The following DPPA4 variants were observed in gnomAD, a reference collection of about 807,000 sequenced individuals.
DPPA4 encodes the protein developmental pluripotency-associated protein 4.
In DPPA4, 22 loss-of-function variants were observed where a neutral mutation model predicts 33.7. The observed-to-expected ratio is 0.65, with a 90% CI of 0.47 to 0.93. The LOEUF is 0.93. Ranked by LOEUF, DPPA4 falls within the 40% of genes least tolerant of loss-of-function variation. The pLI is 0.00. For synonymous variants in DPPA4, 156 were observed against 132.3 expected, an observed-to-expected ratio of 1.18 and a Z score of -1.23; for missense variants, 340 against 358.6, an observed-to-expected ratio of 0.95 and a Z score of 0.42.
Position 109,330,513 on chromosome 3 carries a change from G to T in DPPA4, c.679+11C>A. Reference sequence around the variant, plus strand: ...CATTGGACCAGAATAAGCTCTTCATGTTGCGCTTACCAGAGGCCTCTTGTG... The same window carrying T: ...CATTGGACCAGAATAAGCTCTTCATTTTGCGCTTACCAGAGGCCTCTTGTG... On this transcript the variant is annotated intron_variant, in intron 5 of 6. Coordinates refer to ENST00000335658, the MANE Select transcript of DPPA4 (RefSeq NM_018189.4). 1 of 1,613,336 alleles carries T rather than the reference G, an allele frequency of 6.2e-7. No individual in the cohort carries two copies. The highest frequency in any genetic ancestry group is 8.5e-7 in the Non-Finnish European group (1 of 1,179,532).
intron 1 of DPPA4, among the ~76,000 whole-genome samples, chr3:109,334,893 A>T (rs958338031): frequency 4.6e-5 from 7 of 152,138 alleles, no homozygotes; most frequent in African/African-American, 1.4e-4. Flanking sequence ...TAAAAGTCTC[A>T]CCTCAAGTGC....
intron 1 of DPPA4, 139 bp downstream of exon 1, chr3:109,337,325 T>C: frequency 1.4e-6 from 1 of 719,842 alleles, no homozygotes; most frequent in East Asian, 2.7e-5. Flanking sequence ...GGCCTTACTC[T>C]TAAAATAAAA....
chr3:109,328,484 C>A (rs961855027), intron 6 of DPPA4, among the ~76,000 whole-genome samples: 4 of 152,180 alleles, frequency 2.6e-5, no homozygotes, highest in Non-Finnish European at 5.9e-5. Context: ...TCCTTTCCAT[C>A]TAGTCGATTC....
upstream of DPPA4, among the ~76,000 whole-genome samples, chr3:109,339,331 C>T (rs1462069935): frequency 6.6e-6 from 1 of 152,160 alleles, no homozygotes; most frequent in African/African-American, 2.4e-5. Flanking sequence ...GCTGTGTGAC[C>T]TGGGCAATAA....
chr3:109,337,900 G>T (rs1178115567), upstream of DPPA4, among the ~76,000 whole-genome samples: 1 of 152,152 alleles, frequency 6.6e-6, no homozygotes, highest in Non-Finnish European at 1.5e-5. Flanking sequence ...AATGGAACTT[G>T]TGGCAACAGT....
Position 109,326,354 on chromosome 3 carries a change from A to AT in DPPA4, c.*1633dup, listed in dbSNP as rs1242648920. 1 of 151,414 alleles carries AT rather than the reference A, an allele frequency of 6.6e-6. No homozygotes were observed. Among genetic ancestry groups the AT allele is most frequent in the Non-Finnish European group, 1.5e-5 (1 of 68,042 alleles). 9.4% of individuals were successfully genotyped at this position (151,414 alleles called of 1,614,324 possible). A position where few individuals can be genotyped will look rare whatever the true frequency, so the allele number is the denominator to read the frequency against. On this transcript the variant is annotated 3_prime_UTR_variant, in exon 7 of 7. Coordinates refer to ENST00000335658, the MANE Select transcript of DPPA4 (RefSeq NM_018189.4). ...AAACAAAAGGAACAATACACATAGT[A>AT]TAAGAAAAAATGTCTATTATTTATT...
At chr3:109,331,260 C>CAAAAAAAAAAAAAAAAAAAAAAAAAA (rs10593582) in intron 4 of DPPA4, among the ~76,000 whole-genome samples, 4 of 58,388 alleles carry the variant, frequency 6.9e-5, no homozygotes, top group Non-Finnish European at 1.1e-4. Flanking sequence ...GACTCTGTCT[C>CAAAAAAAAAAAAAAAAAAAAAAAAAA]AAAAAAAAAA....
intron 2 of DPPA4, 72 bp from the exon 3 acceptor site, chr3:109,332,103 A>G: frequency 1.4e-6 from 2 of 1,384,132 alleles, no homozygotes; most frequent in African/African-American, 1.5e-5. Context: ...AAGTAAAATC[A>G]CTTTTTTTTT....
chr3:109,331,911 C>A lies in DPPA4; in HGVS notation c.299G>T (p.Arg100Leu). Residue 100 changes from arginine (R) to leucine (L), a missense_variant, in exon 3 of 7, where the codon CGG (arginine) becomes CTG (leucine). By Grantham distance (102) the Arg-to-Leu change is moderately radical. Transcript: ENST00000335658. ...CAGCTTCAATTGTTGGCACCAGGCC[C>A]GCAGAATGTCCCGGTGAATCAGATT... Reference protein sequence around the residue: ...PVNLIHRDILRAWCQQLKLSS... With the variant: ...PVNLIHRDILLAWCQQLKLSS... 1 of 1,614,024 alleles carries A rather than the reference C, an allele frequency of 6.2e-7. No individual in the cohort carries two copies. Among genetic ancestry groups the A allele is most frequent in the Non-Finnish European group, 8.5e-7 (1 of 1,180,016 alleles).
chr3:109,329,819 T>C (rs933158499), intron 5 of DPPA4: 3 of 152,478 alleles, frequency 2.0e-5, no homozygotes, highest in Non-Finnish European at 4.4e-5. Context: ...AATAACTTAT[T>C]AATGCCATTC....
rs1321573149 is a variant in DPPA4, at chr3:109,327,833, TA to T, written c.*154del. 1.8e-5 allele frequency: 11 copies of T among 602,146 alleles called. No individual in the cohort carries two copies. Among genetic ancestry groups the T allele is most frequent in the Non-Finnish European group, 2.4e-5 (8 of 337,714 alleles). The allele number at this position is 602,146 out of a possible 1,614,324, so 37.3% of individuals were successfully genotyped here. ...CCACTCACAAAGCAACAGGCACTGC[TA>T]GGGGTCTTAGGCTAACATCTGCCAC... On this transcript the variant is annotated 3_prime_UTR_variant, in exon 7 of 7. Transcript: ENST00000335658.
chr3:109,333,349 C>CAAAAAAAA (rs56044946), intron 2 of DPPA4: 1 of 97,562 alleles, frequency 1.0e-5, no homozygotes, highest in African/African-American at 4.6e-5. Flanking sequence ...CTTGGTGTCT[C>CAAAAAAAA]AAAAAAAAAA....
chr3:109,332,142 G>T, intron 2 of DPPA4, 111 bp from the exon 3 acceptor site: 2 of 1,002,766 alleles, frequency 2.0e-6, no homozygotes, highest in East Asian at 2.5e-5. Flanking sequence ...TTGCTCTGTC[G>T]CCCGGCTGGA....
chr3:109,330,378 G>T, intron 5 of DPPA4, 146 bp downstream of exon 5: 28 of 759,380 alleles, frequency 3.7e-5, no homozygotes, highest in Non-Finnish European at 5.5e-5. Flanking sequence ...TCCTGCCCTA[G>T]ACCTGCACCA....
chr3:109,337,754 T>C (rs1708243551), upstream of DPPA4, among the ~76,000 whole-genome samples: 2 of 152,138 alleles, frequency 1.3e-5, no homozygotes, highest in South Asian at 2.1e-4. Flanking sequence ...TAAATGTAAT[T>C]ATCCAAAGTA....
intron 2 of DPPA4, among the ~76,000 whole-genome samples, chr3:109,333,131 A>G (rs930634451): frequency 6.6e-6 from 1 of 152,104 alleles, no homozygotes; most frequent in African/African-American, 2.4e-5. Context: ...ACTTGAGGCC[A>G]AGAGTTTGCA....
intron 4 of DPPA4, among the ~76,000 whole-genome samples, chr3:109,331,260 C>CAAAAAAAA (rs10593582): frequency 5.0e-4 from 29 of 58,404 alleles, no homozygotes; most frequent in East Asian, 1.1e-3. Context: ...GACTCTGTCT[C>CAAAAAAAA]AAAAAAAAAA....
At chr3:109,331,293 AGAAAAGAAAAGAAAT>A (rs1459947871) in intron 4 of DPPA4, among the ~76,000 whole-genome samples, 1 of 148,140 alleles carries the variant, frequency 6.8e-6, no homozygotes, top group Non-Finnish European at 1.5e-5. Flanking sequence ...AAGAAAGAAA[AGAAAAGAAAAGAAAT>A]GAAAAGAAAA....
At chr3:109,337,826 C>A (rs1436848013), upstream of DPPA4, among the ~76,000 whole-genome samples, 1 of 144,034 alleles carries the variant, frequency 6.9e-6, no homozygotes, top group Admixed American at 6.7e-5. Context: ...GGAAAAAAAA[C>A]AAAAAACAAA....
Sources: gnomAD v4.1 joint callset for allele counts (sites outside exome capture counted in the v4.1 genomes callset) on GRCh38, gnomAD v4.1.1 for gene constraint, MANE v1.5 for transcripts, NCBI Gene and HGNC (gene_info 2026-07-23, HGNC 2026-07-21) for gene names.